The following ADH1A variants were observed in gnomAD, a reference collection of about 807,000 sequenced individuals.
ADH1A encodes alcohol dehydrogenase 1A.
In ADH1A, 29 loss-of-function variants were observed where a neutral mutation model predicts 35.2. That is an observed-to-expected ratio of 0.82 (90% CI 0.61 to 1.12). ADH1A has a LOEUF of 1.12. Among genes scored for constraint, ADH1A ranks in the 50% most tolerant of loss-of-function variants. The probability of loss-of-function intolerance (pLI) is 0.00; values close to 1 mark genes in which losing one functional copy is unlikely to be tolerated. For missense variants in ADH1A, 469 were observed against 464.7 expected, an observed-to-expected ratio of 1.01 and a Z score of -0.09; for synonymous variants, 147 against 164.8, an observed-to-expected ratio of 0.89 and a Z score of 0.83.
intron 1 of ADH1A, 34 bp from the exon 2 acceptor site, chr4:99,287,699 T>C (rs1579494916): frequency 1.2e-6 from 2 of 1,608,376 alleles, no homozygotes; most frequent in Non-Finnish European, 1.7e-6. Context: ...GCACCAGTGT[T>C]CTCCCACGCT....
At position 99,286,995 on chromosome 4, in the gene ADH1A, A is replaced by G; in HGVS notation, c.121-7T>C. 1.9e-6 allele frequency: 3 copies of G among 1,609,374 alleles called. No individual in the cohort carries two copies. The highest frequency in any genetic ancestry group is 1.7e-6 in the Non-Finnish European group (2 of 1,178,710). ...AGATTCCTACAGCCACCATCTACAG[A>G]GTGAAGAGAAGATGTTTATAAAAGA... On this transcript the variant is annotated splice_polypyrimidine_tract_variant and splice_region_variant and intron_variant, in intron 2 of 8. Transcript: ENST00000209668.
chr4:99,280,390 G>C, intron 6 of ADH1A, 111 bp from the exon 7 acceptor site: 1 of 1,543,920 alleles, frequency 6.5e-7, no homozygotes, highest in Non-Finnish European at 8.8e-7. Context: ...GTAGAGGGAA[G>C]AGATTATGTC....
At chr4:99,285,693 C>T (rs1409213248) in intron 3 of ADH1A, among the ~76,000 whole-genome samples, 1 of 152,044 alleles carries the variant, frequency 6.6e-6, no homozygotes, top group Non-Finnish European at 1.5e-5. Context: ...TTTTATTTTT[C>T]TGTTCACAGT....
At position 99,290,901 on chromosome 4, in the gene ADH1A, C is replaced by A; in HGVS notation, c.14G>T (p.Gly5Val). 3 of 1,613,844 alleles carry A rather than the reference C, an allele frequency of 1.9e-6. No homozygotes were observed. The highest frequency in any genetic ancestry group is 2.2e-5 in the East Asian group (1 of 44,848). MSTA[G>V]KVIKCKAAVL... ...AGTAATATATTTTTTGCTTACTTTTCCTGCTGTGCTCATGTTGATTCTGTC... is the reference window on the plus strand; with the variant it reads ...AGTAATATATTTTTTGCTTACTTTTACTGCTGTGCTCATGTTGATTCTGTC... The change falls in exon 1 of 9, where the codon GGA (glycine) becomes GTA (valine). Residue 5 changes from glycine to valine, a missense_variant. By Grantham distance (109) the Gly-to-Val change is moderately radical (BLOSUM62 -3). Transcript: ENST00000209668.
rs575018977 is a variant in ADH1A, at chr4:99,284,929, T to C, written c.260-126A>G. On this transcript the variant is annotated intron_variant, in intron 3 of 8. Transcript: ENST00000209668. ...CTTTAAAAGTCTCCAAGAAATACAG[T>C]CCAATCACAAATATGTCATTTGTCA... The C allele has an allele frequency of 4.3e-5, 37 of 868,844 alleles. No individual in the cohort carries two copies. The African/African-American group carries it at 4.9e-4, about 12-fold the overall frequency. The allele number at this position is 868,844 out of a possible 1,614,324, so 53.8% of individuals were successfully genotyped here.
Position 99,284,555 on chromosome 4 carries a change from G to T in ADH1A, c.411C>A (p.Pro137=), listed in dbSNP as rs1220340660. 1 of 1,614,096 alleles carries T rather than the reference G, an allele frequency of 6.2e-7. No homozygotes were observed. Among genetic ancestry groups the T allele is most frequent in the Non-Finnish European group, 8.5e-7 (1 of 1,180,058 alleles). Residue 137 remains proline (P), a synonymous_variant, in exon 5 of 9, where the codon CCC becomes CCA. Transcript: ENST00000209668. ...GTSRFTCRRK[P]IHHFLGISTF... ...TGCTGATGCCAAGGAAGTGGTGGAT[G>T]GGCTTCCTCCTGCAGGTGAACCTGC... is the stretch of plus-strand genomic sequence containing the variant.
At chr4:99,279,370 G>C in intron 8 of ADH1A, 56 bp downstream of exon 8, 9 of 1,544,686 alleles carry the variant, frequency 5.8e-6, no homozygotes, top group Non-Finnish European at 7.8e-6. Flanking sequence ...TTTTCTGCTA[G>C]ACAATCCCCT....
chr4:99,282,181 G>T, intron 6 of ADH1A, 165 bp downstream of exon 6: 1 of 1,342,594 alleles, frequency 7.4e-7, no homozygotes, highest in Non-Finnish European at 1.0e-6. Flanking sequence ...TAGAATAAAA[G>T]ATTCCTCATA....
At chr4:99,283,925 G>T (rs779014668) in intron 5 of ADH1A, among the ~76,000 whole-genome samples, 1 of 152,160 alleles carries the variant, frequency 6.6e-6, no homozygotes, top group Admixed American at 6.5e-5. Flanking sequence ...GCCTTGGTTT[G>T]GAGGTGCATC....
At chr4:99,290,850 T>C (rs1267728941) in intron 1 of ADH1A, 47 bp downstream of exon 1, 18 of 1,564,152 alleles carry the variant, frequency 1.2e-5, no homozygotes, top group Non-Finnish European at 1.4e-5. Flanking sequence ...CTTTCTTTGT[T>C]ATATTGATGA....
chr4:99,289,175 T>C (rs1401383747), intron 1 of ADH1A, among the ~76,000 whole-genome samples: 1 of 152,186 alleles, frequency 6.6e-6, no homozygotes, highest in Non-Finnish European at 1.5e-5. Context: ...TGAGTAGTAT[T>C]CCATGGTATA....
At chr4:99,288,850 A>AG (rs1245507937) in intron 1 of ADH1A, 9 of 152,202 alleles carry the variant, frequency 5.9e-5, no homozygotes, top group African/African-American at 2.2e-4. Context: ...TTTGGGGTGC[A>AG]GGTGTTTTCT....
At chr4:99,280,413 AG>A in intron 6 of ADH1A, 134 bp from the exon 7 acceptor site, 2 of 1,462,824 alleles carry the variant, frequency 1.4e-6, no homozygotes, top group Non-Finnish European at 1.8e-6. Context: ...TTGCTCCTTC[AG>A]TCCCCTTTTT....
chr4:99,279,578 G>A lies in ADH1A; in HGVS notation c.965-14C>T. ...TACTTTTAAAGCCTGAAAAGAAGAT[G>A]GTATCATTGTTAGATTCAACCAGGG... is the stretch of plus-strand genomic sequence containing the variant. On this transcript the variant is annotated splice_polypyrimidine_tract_variant and intron_variant, in intron 7 of 8. Transcript: ENST00000209668. 1.2e-6 allele frequency: 2 copies of A among 1,603,110 alleles called. No homozygotes were observed. Among genetic ancestry groups the A allele is most frequent in the Non-Finnish European group, 1.7e-6 (2 of 1,176,644 alleles).
At chr4:99,281,811 G>C (rs1733009831) in intron 6 of ADH1A, 1 of 180,096 alleles carries the variant, frequency 5.6e-6, no homozygotes, top group East Asian at 1.6e-4. Context: ...GTACTGTCCA[G>C]TTTCTGTGAT....
intron 1 of ADH1A, 85 bp downstream of exon 1, chr4:99,290,812 T>C: frequency 7.2e-7 from 1 of 1,388,868 alleles, no homozygotes; most frequent in South Asian, 1.2e-5. Context: ...AGATATGAAT[T>C]TTAAATGATT....
intron 5 of ADH1A, among the ~76,000 whole-genome samples, chr4:99,283,704 C>T (rs867305672): frequency 2.6e-5 from 4 of 152,084 alleles, no homozygotes; most frequent in African/African-American, 9.7e-5. Flanking sequence ...ATCTCTGGGC[C>T]TCGGTTTCAT....
chr4:99,282,957 T>C (rs923616567), intron 5 of ADH1A, among the ~76,000 whole-genome samples: 1 of 152,184 alleles, frequency 6.6e-6, no homozygotes, highest in African/African-American at 2.4e-5. Context: ...ATGGCAGTGA[T>C]TACAATCTTG....
Position 99,286,921 on chromosome 4 carries a change from G to A in ADH1A, c.188C>T (p.Pro63Leu). ...VVSGTMVTPL[P>L]VILGHEAAGI... ...GGCTGCCTCATGGCCTAAAATCACA[G>A]GAAGTGGGGTCACCATGGTACCACT... The change falls in exon 3 of 9, where the codon CCT becomes CTT. Residue 63 changes from proline (P) to leucine (L), a missense_variant. Coordinates refer to ENST00000209668, the MANE Select transcript of ADH1A (RefSeq NM_000667.4). The A allele has an allele frequency of 6.2e-7, 1 of 1,614,140 alleles. No individual in the cohort carries two copies. The highest frequency in any genetic ancestry group is 8.5e-7 in the Non-Finnish European group (1 of 1,180,014).
Sources: gnomAD v4.1 joint callset for allele counts (sites outside exome capture counted in the v4.1 genomes callset) on GRCh38, gnomAD v4.1.1 for gene constraint, MANE v1.5 for transcripts, NCBI Gene and HGNC (gene_info 2026-07-23, HGNC 2026-07-21) for gene names.